GRM8: variants seen among roughly 807,000 people sequenced by gnomAD.
The protein encoded by GRM8 is glutamate metabotropic receptor 8, also known as metabotropic glutamate receptor 8.
A neutral mutation model predicts 87.2 loss-of-function variants in GRM8; 47 were observed. That is an observed-to-expected ratio of 0.54 (90% confidence interval 0.43 to 0.69). The LOEUF is 0.69. Among genes scored for constraint, GRM8 ranks in the 30% least tolerant of loss-of-function variants. The pLI, the probability that GRM8 is intolerant of heterozygous loss-of-function variation, is 0.00. For synonymous variants in GRM8, 396 were observed against 404.5 expected (o/e 0.98, Z 0.25); for missense variants, 1,019 against 1,139.2 (o/e 0.89, Z 1.52).
At chr7:126,929,018 A>G (rs1805451630) in intron 3 of GRM8, among the ~76,000 whole-genome samples, 2 of 152,178 alleles carry the variant, frequency 1.3e-5, no homozygotes, top group Non-Finnish European at 2.9e-5. Context: ...GATGCATTTA[A>G]TGGGCTCTGG....
chr7:126,827,069 A>G (rs914562772), intron 6 of GRM8, among the ~76,000 whole-genome samples: 4 of 152,050 alleles, frequency 2.6e-5, no homozygotes, highest in East Asian at 1.9e-4. Flanking sequence ...TGTTCCATTG[A>G]TCTATATCTC....
At chr7:126,799,081 T>C (rs1384148438) in intron 6 of GRM8, among the ~76,000 whole-genome samples, 3 of 152,064 alleles carry the variant, frequency 2.0e-5, no homozygotes, top group Non-Finnish European at 2.9e-5. Context: ...TAAAATGCCA[T>C]AGTAACTAGT....
chr7:126,851,417 T>C (rs1441142862), intron 6 of GRM8, among the ~76,000 whole-genome samples: 1 of 152,138 alleles, frequency 6.6e-6, no homozygotes, highest in Non-Finnish European at 1.5e-5. Flanking sequence ...AGTCAGATCA[T>C]GCCACCCATC....
At chr7:127,164,200 C>T (rs1309017206) in intron 2 of GRM8, among the ~76,000 whole-genome samples, 2 of 152,140 alleles carry the variant, frequency 1.3e-5, no homozygotes, top group East Asian at 3.9e-4. Flanking sequence ...CCTTTGCCTT[C>T]CACAATGTTT....
intron 9 of GRM8, among the ~76,000 whole-genome samples, chr7:126,502,687 T>C (rs1809822737): frequency 6.6e-6 from 1 of 152,060 alleles, no homozygotes. Flanking sequence ...GTAAATGACT[T>C]GAGAATGCTT....
intron 8 of GRM8, among the ~76,000 whole-genome samples, chr7:126,561,489 T>C (rs935302203): frequency 1.3e-5 from 2 of 151,254 alleles, no homozygotes; most frequent in African/African-American, 4.9e-5. Flanking sequence ...GGTAGTAAAA[T>C]AAAAACCAAT....
chr7:126,646,599 C>T (rs951299810), intron 7 of GRM8, among the ~76,000 whole-genome samples: 2 of 151,492 alleles, frequency 1.3e-5, no homozygotes, highest in Non-Finnish European at 2.9e-5. Flanking sequence ...TGTGATACCA[C>T]CCACATGCTT....
intron 2 of GRM8, among the ~76,000 whole-genome samples, chr7:127,216,895 CT>C (rs1228910103): frequency 6.6e-6 from 1 of 152,204 alleles, no homozygotes; most frequent in East Asian, 1.9e-4. Context: ...ATGAGACACA[CT>C]TTGAGAGGGC....
intron 3 of GRM8, among the ~76,000 whole-genome samples, chr7:127,069,692 T>C (rs1821491074): frequency 6.6e-6 from 1 of 152,206 alleles, no homozygotes; most frequent in Non-Finnish European, 1.5e-5. Context: ...ATATTCTATA[T>C]GCTGATTTAT....
chr7:126,781,608 G>T (rs1244686742), intron 6 of GRM8, among the ~76,000 whole-genome samples: 2 of 152,156 alleles, frequency 1.3e-5, no homozygotes, highest in African/African-American at 4.8e-5. Context: ...TGTCAACAAT[G>T]AAGTATTATC....
intron 8 of GRM8, among the ~76,000 whole-genome samples, chr7:126,590,750 A>G (rs1056074310): frequency 2.6e-5 from 4 of 152,170 alleles, no homozygotes; most frequent in African/African-American, 9.7e-5. Flanking sequence ...TTATCAGCCA[A>G]TAATTTTGTA....
At chr7:127,021,035 A>G (rs899887864) in intron 3 of GRM8, among the ~76,000 whole-genome samples, 3 of 152,026 alleles carry the variant, frequency 2.0e-5, no homozygotes, top group African/African-American at 4.8e-5. Context: ...TATTCTTTCA[A>G]CTTTAGTTTT....
rs150726594 is a variant in GRM8 at position 126,969,088 on chromosome 7, T to G, written c.728-64405A>C. Among the ~76,000 whole-genome samples the G allele has an allele frequency of 7.0e-4, 107 of 152,302 alleles. 1 individual carries two copies. The Middle Eastern group carries it at 0.014, about 19-fold the overall frequency. ...TGTACACACATTAACTTTAAAATAT[T>G]TTATTGCTAAAAATGCAAAGAATCA... On this transcript the variant is annotated intron_variant, in intron 3 of 10. Coordinates refer to ENST00000339582, the MANE Select transcript of GRM8 (RefSeq NM_000845.3).
chr7:126,533,523 T>A lies in GRM8; in HGVS notation c.1859A>T (p.Glu620Val), dbSNP rs1815183743. ...CCCCGTTAGGAGCACGTAACTAAGT[T>A]CGCGTCCTGAAGCCCTCACGATAGG... ...DTPIVRASGR[E>V]LSYVLLTGIF... Residue 620 changes from glutamate (E) to valine (V), a missense_variant, in exon 9 of 11, where the codon GAA becomes GTA. Glu to Val is a moderately radical substitution (Grantham distance 121). Coordinates refer to ENST00000339582, the MANE Select transcript of GRM8 (RefSeq NM_000845.3). 1 of 1,613,932 alleles carries A rather than the reference T, an allele frequency of 6.2e-7. No homozygotes were observed. The highest frequency in any genetic ancestry group is 8.5e-7 in the Non-Finnish European group (1 of 1,179,988).
intron 2 of GRM8, among the ~76,000 whole-genome samples, chr7:127,119,925 A>T (rs1414925140): frequency 2.6e-5 from 4 of 151,954 alleles, no homozygotes; most frequent in Non-Finnish European, 5.9e-5. Flanking sequence ...CTTCATACCC[A>T]CTCCAAACCT....
rs61751057 is a variant in GRM8 at position 126,533,826 on chromosome 7, G to T, written c.1556C>A (p.Pro519Gln). Reference sequence around the variant, plus strand: ...TTTCTTCCTCTCCCCTGGCTTACACGGCAGGCTGCAGACAGACGCCGGGTG... The same window carrying T: ...TTTCTTCCTCTCCCCTGGCTTACACTGCAGGCTGCAGACAGACGCCGGGTG... ...HTHPASVCSLPCKPGERKKTV... is the reference protein window; with the variant it reads ...HTHPASVCSLQCKPGERKKTV... Residue 519 changes from proline to glutamine, a missense_variant, in exon 9 of 11, where the codon CCG (proline) becomes CAG (glutamine). Pro to Gln is a moderately conservative substitution (Grantham distance 76, BLOSUM62 -1). Coordinates refer to ENST00000339582, the MANE Select transcript of GRM8 (RefSeq NM_000845.3). 6.2e-7 allele frequency: 1 copy of T among 1,614,098 alleles called. No homozygotes were observed. Among genetic ancestry groups the T allele is most frequent in the African/African-American group, 1.3e-5 (1 of 75,046 alleles).
At chr7:127,112,005 C>G (rs77940753) in intron 2 of GRM8, among the ~76,000 whole-genome samples, 338 of 142,554 alleles carry the variant, frequency 2.4e-3, no homozygotes, top group African/African-American at 8.7e-3. Flanking sequence ...TCCTGGGCAC[C>G]AAGAGCAAAA....
intron 2 of GRM8, among the ~76,000 whole-genome samples, chr7:127,209,654 A>G (rs1587281706): frequency 1.3e-5 from 2 of 152,152 alleles, no homozygotes; most frequent in Admixed American, 1.3e-4. Flanking sequence ...AATGCACCCA[A>G]GGGGAAATCC....
At chr7:127,129,587 C>T (rs1056024705) in intron 2 of GRM8, among the ~76,000 whole-genome samples, 1 of 152,072 alleles carries the variant, frequency 6.6e-6, no homozygotes, top group Non-Finnish European at 1.5e-5. Flanking sequence ...TGCCATGATA[C>T]GCCCTTCTCA....
Sources: allele counts gnomAD v4.1 joint callset (sites outside exome capture counted in the v4.1 genomes callset), GRCh38; gene constraint gnomAD v4.1.1; transcripts MANE v1.5; gene names NCBI Gene and HGNC (gene_info 2026-07-23, HGNC 2026-07-21).